The following MACROD2 variants were observed in gnomAD, a reference collection of about 807,000 sequenced individuals.
MACROD2 encodes ADP-ribose glycohydrolase MACROD2.
A neutral mutation model predicts 70.4 loss-of-function variants in MACROD2; 36 were observed. The ratio of observed to expected loss-of-function variants is 0.51; its 90% CI spans 0.39 to 0.68. The LOEUF (loss-of-function observed/expected upper bound fraction) is 0.68, where lower values mean the gene tolerates loss of function less well. MACROD2 is among the 30% of genes least tolerant of loss of function. The pLI is 0.00. For synonymous variants in MACROD2, 172 were observed against 178.8 expected (o/e 0.96, Z 0.30); for missense variants, 496 against 538.4 (o/e 0.92, Z 0.78).
intron 8 of MACROD2, among the ~76,000 whole-genome samples, chr20:15,607,639 T>C (rs1453888172): frequency 6.6e-6 from 1 of 152,226 alleles, no homozygotes; most frequent in Non-Finnish European, 1.5e-5. Context: ...GTTCAAGCGA[T>C]TCTCCCACCT....
chr20:14,333,009 C>G (rs1288005403), intron 3 of MACROD2, among the ~76,000 whole-genome samples: 1 of 151,958 alleles, frequency 6.6e-6, no homozygotes, highest in Non-Finnish European at 1.5e-5. Flanking sequence ...TCTAAGCAGC[C>G]TGTCTGGTAG....
intron 8 of MACROD2, among the ~76,000 whole-genome samples, chr20:15,835,056 A>G (rs73097301): frequency 0.011 from 1,709 of 152,304 alleles, 18 homozygotes; most frequent in Middle Eastern, 0.024. Context: ...AACCCTGCAG[A>G]CAATCTCAAT....
intron 5 of MACROD2, among the ~76,000 whole-genome samples, chr20:15,214,789 T>G (rs2145953905): frequency 6.6e-6 from 1 of 152,336 alleles, no homozygotes; most frequent in Non-Finnish European, 1.5e-5. Context: ...CAGGAGGAGA[T>G]AAGCAGTAAG....
intron 12 of MACROD2, among the ~76,000 whole-genome samples, chr20:15,957,872 T>A (rs1340185262): frequency 6.6e-6 from 1 of 152,172 alleles, no homozygotes; most frequent in South Asian, 2.1e-4. Context: ...GTGGTGTGGG[T>A]GTGCCAAGAG....
At chr20:15,601,204 C>A (rs573739447) in intron 8 of MACROD2, among the ~76,000 whole-genome samples, 3 of 152,276 alleles carry the variant, frequency 2.0e-5, no homozygotes, top group South Asian at 2.1e-4. Context: ...TGTCAGCCCC[C>A]CTTATTGGCA....
chr20:14,498,422 A>T (rs2084880240), intron 4 of MACROD2, among the ~76,000 whole-genome samples: 1 of 152,238 alleles, frequency 6.6e-6, no homozygotes, highest in Admixed American at 6.5e-5. Flanking sequence ...ACATTCATTC[A>T]GCAAATATTA....
intron 12 of MACROD2, 102 bp downstream of exon 12, chr20:15,937,646 G>T: frequency 1.0e-6 from 1 of 990,650 alleles, no homozygotes; most frequent in Non-Finnish European, 1.6e-6. Context: ...ATATAACTAG[G>T]TTTTCTTAAG....
chr20:14,808,630 A>G (rs150957647), intron 5 of MACROD2, among the ~76,000 whole-genome samples: 8 of 152,260 alleles, frequency 5.3e-5, no homozygotes, highest in East Asian at 1.9e-4. Flanking sequence ...ATTAAAAGAT[A>G]TAAACTAGCA....
At chr20:14,144,295 C>A (rs1180680506) in intron 3 of MACROD2, among the ~76,000 whole-genome samples, 1 of 152,108 alleles carries the variant, frequency 6.6e-6, no homozygotes, top group African/African-American at 2.4e-5. Flanking sequence ...CTAAATTTGT[C>A]AATCACCGCT....
rs746787235 is a variant in MACROD2, at chr20:14,822,845, T to C, written c.418+137886T>C. Among the ~76,000 whole-genome samples the C allele has an allele frequency of 6.5e-4, 99 of 152,114 alleles. 2 individuals are homozygous for C. Among genetic ancestry groups the C allele is most frequent in the Non-Finnish European group, 1.0e-3 (70 of 67,972 alleles). On this transcript the variant is annotated intron_variant, in intron 5 of 17. Transcript: ENST00000684519. ...CCCATCCATGTCATTAGTGAAGATA[T>C]GGATTAATTCCACATTGGATTTCAT... is the stretch of plus-strand genomic sequence containing the variant.
intron 3 of MACROD2, among the ~76,000 whole-genome samples, chr20:14,449,497 G>T (rs894863605): frequency 6.6e-6 from 1 of 152,124 alleles, no homozygotes; most frequent in African/African-American, 2.4e-5. Context: ...CCCAAGGTAT[G>T]TAGTCTGGTT....
intron 2 of MACROD2, among the ~76,000 whole-genome samples, chr20:14,003,958 T>C (rs541769655): frequency 6.6e-6 from 1 of 152,306 alleles, no homozygotes; most frequent in South Asian, 2.1e-4. Flanking sequence ...AAGCAACTGG[T>C]ATTGAATATT....
intron 5 of MACROD2, among the ~76,000 whole-genome samples, chr20:14,953,562 C>A (rs1353222777): frequency 6.6e-6 from 1 of 152,114 alleles, no homozygotes; most frequent in Non-Finnish European, 1.5e-5. Context: ...ACCTCGGCCT[C>A]CCAAAGTTCA....
At chr20:14,274,295 C>A (rs1418600909) in intron 3 of MACROD2, among the ~76,000 whole-genome samples, 1 of 152,182 alleles carries the variant, frequency 6.6e-6, no homozygotes, top group Non-Finnish European at 1.5e-5. Context: ...AGCTTATCCA[C>A]CATGATCAAG....
intron 3 of MACROD2, among the ~76,000 whole-genome samples, chr20:14,446,586 T>G (rs545662022): frequency 1.3e-5 from 2 of 152,126 alleles, no homozygotes; most frequent in Non-Finnish European, 2.9e-5. Context: ...TCTACACTTA[T>G]GTCTCCAATT....
In MACROD2 at chr20:15,047,408, TGTAA is replaced by T. The variant is rs560598265; in HGVS notation, c.419-182526_419-182523del. Among the ~76,000 whole-genome samples, 380 of 152,182 alleles carry T rather than the reference TGTAA, an allele frequency of 2.5e-3. 2 individuals are homozygous for T. Among genetic ancestry groups the T allele is most frequent in the Admixed American group, 8.7e-3 (133 of 15,280 alleles). ...TACTGGCAGCAATCATCTGATGCAA[TGTAA>T]GTAAGAATGAAAAAAATACAGGACA... On this transcript the variant is annotated intron_variant, in intron 5 of 17. Transcript: ENST00000684519.
intron 5 of MACROD2, among the ~76,000 whole-genome samples, chr20:15,224,058 G>A (rs1390467514): frequency 6.6e-6 from 1 of 152,164 alleles, no homozygotes; most frequent in Non-Finnish European, 1.5e-5. Flanking sequence ...ACCACATGAA[G>A]AGAGAAAGAT....
In MACROD2 at chr20:14,743,061, C is replaced by T. The variant is rs141251951; in HGVS notation, c.418+58102C>T. ...GATTACAGGTGTGAGCCACCGCGCC[C>T]GGCCTATAAACTTTATTTTAAAAGC... On this transcript the variant is annotated intron_variant, in intron 5 of 17. Coordinates refer to ENST00000684519, the MANE Select transcript of MACROD2 (RefSeq NM_001351661.2). Among the ~76,000 whole-genome samples, 838 of 152,094 alleles carry T rather than the reference C, an allele frequency of 5.5e-3. 9 individuals are homozygous for T. The highest frequency in any genetic ancestry group is 0.019 in the African/African-American group (787 of 41,486).
chr20:15,614,212 G>A (rs2049007717), intron 8 of MACROD2, among the ~76,000 whole-genome samples: 1 of 152,102 alleles, frequency 6.6e-6, no homozygotes, highest in Non-Finnish European at 1.5e-5. Flanking sequence ...CAAACAAATA[G>A]GAAACACTCA....
Sources: gnomAD v4.1 joint callset for allele counts (sites outside exome capture counted in the v4.1 genomes callset) on GRCh38, gnomAD v4.1.1 for gene constraint, MANE v1.5 for transcripts, NCBI Gene and HGNC (gene_info 2026-07-23, HGNC 2026-07-21) for gene names.